The following HCN1 variants were observed in gnomAD, a reference collection of about 807,000 sequenced individuals.
HCN1 encodes potassium/sodium hyperpolarization-activated cyclic nucleotide-gated channel 1.
HCN1 carries 13 observed loss-of-function variants against 78.9 expected under a neutral mutation model. The observed-to-expected ratio is 0.16, with a 90% CI of 0.11 to 0.26. The LOEUF (loss-of-function observed/expected upper bound fraction) is 0.26. Among genes scored for constraint, HCN1 ranks in the 10% least tolerant of loss-of-function variants. The probability of loss-of-function intolerance (pLI) is 1.00; values close to 1 mark genes in which losing one functional copy is unlikely to be tolerated. For synonymous variants in HCN1, 552 were observed against 455.5 expected (o/e 1.21, Z -2.70); for missense variants, 810 against 1,154.3 (o/e 0.70, Z 4.32).
chr5:45,595,701 A>G (rs1324018230), intron 2 of HCN1, among the ~76,000 whole-genome samples: 1 of 152,104 alleles, frequency 6.6e-6, no homozygotes, highest in Non-Finnish European at 1.5e-5. Flanking sequence ...TTAAGGAGCT[A>G]TATGACTTTA....
chr5:45,325,488 A>G (rs1476764445), intron 5 of HCN1, among the ~76,000 whole-genome samples: 1 of 151,776 alleles, frequency 6.6e-6, no homozygotes, highest in Non-Finnish European at 1.5e-5. Flanking sequence ...ATAACTCATA[A>G]TAAAGCTACT....
intron 2 of HCN1, among the ~76,000 whole-genome samples, chr5:45,499,091 G>C (rs998518332): frequency 5.3e-5 from 8 of 152,190 alleles, no homozygotes; most frequent in Admixed American, 1.3e-4. Flanking sequence ...AGGTCTCCTT[G>C]AGCTGTGGTG....
At chr5:45,623,802 T>A in intron 2 of HCN1, among the ~76,000 whole-genome samples, 1 of 152,180 alleles carries the variant, frequency 6.6e-6, no homozygotes, top group East Asian at 1.9e-4. Context: ...CATGAAGTGA[T>A]AAATGCTATG....
chr5:45,254,948 T>C lies in HCN1; in HGVS notation c.*6973A>G, dbSNP rs1744575430. ...TGATGAAGAGAAGCTCTTTGCAAAA[T>C]ATTGACCACATTCATTTATTTTTAT... On this transcript the variant is annotated 3_prime_UTR_variant, in exon 8 of 8. Transcript: ENST00000303230. 6.6e-6 allele frequency: 1 copy of C among 152,224 alleles called. No individual in the cohort carries two copies. Among genetic ancestry groups the C allele is most frequent in the African/African-American group, 2.4e-5 (1 of 41,452 alleles). The allele number at this position is 152,224 out of a possible 1,614,324, so 9.4% of individuals were successfully genotyped here. A position where few individuals can be genotyped will look rare whatever the true frequency, so the allele number is the denominator to read the frequency against.
chr5:45,362,154 T>TTGTG (rs200176463), intron 4 of HCN1, among the ~76,000 whole-genome samples: 1,488 of 142,610 alleles, frequency 0.01, 13 homozygotes, highest in African/African-American at 0.034. Context: ...GTGTGTGTGT[T>TTGTG]TGTGTGTGTG....
intron 5 of HCN1, among the ~76,000 whole-genome samples, chr5:45,339,460 G>A (rs978728480): frequency 2.6e-5 from 4 of 152,092 alleles, no homozygotes; most frequent in Non-Finnish European, 5.9e-5. Context: ...CCAGGAAATT[G>A]TCAATAATAC....
chr5:45,530,633 T>C (rs1206317504), intron 2 of HCN1, among the ~76,000 whole-genome samples: 1 of 152,074 alleles, frequency 6.6e-6, no homozygotes, highest in African/African-American at 2.4e-5. Context: ...AAGATAATTA[T>C]GATCTAAAGA....
Position 45,645,592 on chromosome 5 carries a change from T to G in HCN1, c.442A>C (p.Ile148Leu). The G allele has an allele frequency of 6.2e-7, 1 of 1,603,602 alleles. No individual in the cohort carries two copies. The highest frequency in any genetic ancestry group is 8.5e-7 in the Non-Finnish European group (1 of 1,176,110). Reference protein sequence around the residue: ...YSDFRFYWDLIMLIMMVGNLV... With the variant: ...YSDFRFYWDLLMLIMMVGNLV... ...TTTCCAACCATCATTATAAGCATTA[T>G]TAAATCCCAGTAAAACCTACAACAA... Residue 148 changes from isoleucine to leucine, a missense_variant, in exon 2 of 8, where the codon ATA becomes CTA. Around this residue, in one of 6 missense-constraint regions of HCN1, gnomAD observed 104 missense variants for 402.8 expected, o/e 0.26. Coordinates refer to ENST00000303230, the MANE Select transcript of HCN1 (RefSeq NM_021072.4).
At chr5:45,471,531 C>A (rs1333733059) in intron 2 of HCN1, among the ~76,000 whole-genome samples, 1 of 151,870 alleles carries the variant, frequency 6.6e-6, no homozygotes, top group African/African-American at 2.4e-5. Context: ...GAGTTCCTTG[C>A]ATTTGTTTCC....
At chr5:45,624,933 GA>G (rs1376404193) in intron 2 of HCN1, among the ~76,000 whole-genome samples, 1 of 152,152 alleles carries the variant, frequency 6.6e-6, no homozygotes, top group Non-Finnish European at 1.5e-5. Flanking sequence ...GAGATAATGA[GA>G]AGGCATATGC....
At chr5:45,647,259 C>A (rs1745567557) in intron 1 of HCN1, among the ~76,000 whole-genome samples, 1 of 152,152 alleles carries the variant, frequency 6.6e-6, no homozygotes, top group Non-Finnish European at 1.5e-5. Flanking sequence ...GGTTTTATAT[C>A]TTCTCACAAT....
Position 45,696,060 on chromosome 5 carries a change from T to C in HCN1, c.34A>G (p.Asn12Asp). 1.5e-6 allele frequency: 2 copies of C among 1,355,460 alleles called. No homozygotes were observed. The highest frequency in any genetic ancestry group is 1.5e-5 in the South Asian group (1 of 68,324). 84.0% of individuals were successfully genotyped at this position (1,355,460 alleles called of 1,614,324 possible). Reference sequence around the variant, plus strand: ...ACGCTGTTGCCATCGTCCCGGCTGTTAGACGAAGAGTTGGGCTTGCCGCCT... The same window carrying C: ...ACGCTGTTGCCATCGTCCCGGCTGTCAGACGAAGAGTTGGGCTTGCCGCCT... ...EGGGKPNSSS[N>D]SRDDGNSVFP... The change falls in exon 1 of 8, where the codon AAC (asparagine) becomes GAC (aspartate). Residue 12 changes from asparagine to aspartate, a missense_variant. Physicochemically the swap from Asn to Asp is conservative, Grantham distance 23 (BLOSUM62 1). Around this residue, in one of 6 missense-constraint regions of HCN1, gnomAD observed 170 missense variants for 166.8 expected, o/e 1.02. Transcript: ENST00000303230.
chr5:45,349,173 C>G (rs1249398211), intron 5 of HCN1, among the ~76,000 whole-genome samples: 3 of 152,194 alleles, frequency 2.0e-5, no homozygotes, highest in Non-Finnish European at 4.4e-5. Context: ...AACAAACTGT[C>G]TCTCAGACCA....
chr5:45,302,545 T>C (rs62367525), intron 6 of HCN1, among the ~76,000 whole-genome samples: 1,869 of 152,126 alleles, frequency 0.012, 16 homozygotes, highest in Non-Finnish European at 0.021. Flanking sequence ...TTTGCCTAAG[T>C]CTAAAAATAA....
At chr5:45,493,452 G>A (rs994786646) in intron 2 of HCN1, among the ~76,000 whole-genome samples, 1 of 151,878 alleles carries the variant, frequency 6.6e-6, no homozygotes, top group African/African-American at 2.4e-5. Flanking sequence ...ATAAATGAAT[G>A]TTTTTACACT....
intron 4 of HCN1, among the ~76,000 whole-genome samples, chr5:45,373,539 A>G (rs1747485760): frequency 7.0e-6 from 1 of 141,950 alleles, no homozygotes; most frequent in South Asian, 2.2e-4. Context: ...TACATTATAT[A>G]GGTCATCTAT....
At chr5:45,279,877 A>G (rs1293888763) in intron 6 of HCN1, among the ~76,000 whole-genome samples, 2 of 152,164 alleles carry the variant, frequency 1.3e-5, no homozygotes, top group African/African-American at 4.8e-5. Context: ...AGCTGGTATT[A>G]ACATTTTTTA....
At chr5:45,375,491 A>G (rs1269209808) in intron 4 of HCN1, among the ~76,000 whole-genome samples, 2 of 73,918 alleles carry the variant, frequency 2.7e-5, no homozygotes. Context: ...TTTATGATAC[A>G]TATTATATAT....
chr5:45,419,732 G>A (rs1740190114), intron 3 of HCN1, among the ~76,000 whole-genome samples: 1 of 152,150 alleles, frequency 6.6e-6, no homozygotes, highest in Non-Finnish European at 1.5e-5. Context: ...TGAGCTGGCT[G>A]TGTTTCCTGT....
Sources: gnomAD v4.1 joint callset for allele counts (sites outside exome capture counted in the v4.1 genomes callset) on GRCh38, gnomAD v4.1.1 for gene constraint, gnomAD v4.1.1 regional missense constraint, MANE v1.5 for transcripts, NCBI Gene and HGNC (gene_info 2026-07-23, HGNC 2026-07-21) for gene names.